WTIP: variants seen among roughly 807,000 people sequenced by gnomAD.
WTIP encodes WT1 interacting protein, also known as Wilms tumor protein 1-interacting protein.
WTIP carries 23 observed loss-of-function variants against 41.7 expected under a neutral mutation model. The ratio of observed to expected loss-of-function variants is 0.55; its 90% CI spans 0.40 to 0.78. The LOEUF (loss-of-function observed/expected upper bound fraction) is 0.78, where lower values mean the gene tolerates loss of function less well. Among genes scored for constraint, WTIP ranks in the 30% least tolerant of loss-of-function variants. WTIP has a pLI of 0.00. For synonymous variants in WTIP, 314 were observed against 269.9 expected (o/e 1.16, Z -1.60); for missense variants, 619 against 610.5 (o/e 1.01, Z -0.15).
rs931389157 is a variant in WTIP, at chr19:34,511,158, G to T, written c.*10889G>T. 6.6e-6 allele frequency: 1 copy of T among 152,428 alleles called. No homozygotes were observed. The highest frequency in any genetic ancestry group is 1.5e-5 in the Non-Finnish European group (1 of 68,250). The allele number at this position is 152,428 out of a possible 1,614,324, so 9.4% of individuals were successfully genotyped here. A position where few individuals can be genotyped will look rare whatever the true frequency, so the allele number is the denominator to read the frequency against. On this transcript the variant is annotated 3_prime_UTR_variant, in exon 8 of 8. Transcript: ENST00000590071. Reference sequence around the variant, plus strand: ...GCTGATAAAGACATACCTGTGACTGGGAAGAAAAAGAGGTTTAATGGGACT... The same window carrying T: ...GCTGATAAAGACATACCTGTGACTGTGAAGAAAAAGAGGTTTAATGGGACT...
rs1427272740 is a variant in WTIP at position 34,500,142 on chromosome 19, A to G, written c.1166A>G (p.Gln389Arg). 1.9e-6 allele frequency: 3 copies of G among 1,600,062 alleles called. No homozygotes were observed. The highest frequency in any genetic ancestry group is 2.5e-6 in the Non-Finnish European group (3 of 1,179,748). ...ACYHCEDCGL[Q>R]LSGEEGRRCY... ...GTTCTTCCCTAGGACTGCGGGCTGC[A>G]GCTGAGCGGGGAGGAGGGACGCCGT... is the stretch of plus-strand genomic sequence containing the variant. Residue 389 changes from glutamine to arginine, a missense_variant, in exon 8 of 8, where the codon CAG becomes CGG. Physicochemically the swap from Gln to Arg is conservative, Grantham distance 43. Transcript: ENST00000590071.
At chr19:34,498,946 G>A (rs535984746) in intron 7 of WTIP, among the ~76,000 whole-genome samples, 2 of 152,226 alleles carry the variant, frequency 1.3e-5, no homozygotes, top group South Asian at 2.1e-4. Context: ...GGTGGCTCAC[G>A]CCTACAATCC....
chr19:34,492,718 C>T (rs1054824095), intron 2 of WTIP, among the ~76,000 whole-genome samples: 6 of 150,778 alleles, frequency 4.0e-5, no homozygotes, highest in East Asian at 1.9e-4. Flanking sequence ...GATTCATTCC[C>T]GAAAATTTGC....
rs958334274 is a variant in WTIP at position 34,486,368 on chromosome 19, G to GT, written c.667+3743dup. ...TGACACCCTAAGCCTTTGTCAGTTTGTTTTTTTTTTTTTTTTGAGACAGAG... is the reference window on the plus strand; with the variant it reads ...TGACACCCTAAGCCTTTGTCAGTTTGTTTTTTTTTTTTTTTTTGAGACAGAG... On this transcript the variant is annotated intron_variant, in intron 1 of 7. Transcript: ENST00000590071. 7.2e-3 allele frequency among the ~76,000 whole-genome samples: 950 copies of GT among 132,002 alleles called. 9 individuals are homozygous for GT. The highest frequency in any genetic ancestry group is 0.014 in the African/African-American group (514 of 36,082). 86.6% of individuals were successfully genotyped at this position (132,002 alleles called of 152,430 possible). A position where few individuals can be genotyped will look rare whatever the true frequency, so the allele number is the denominator to read the frequency against.
intron 6 of WTIP, among the ~76,000 whole-genome samples, chr19:34,494,972 G>A (rs2075845374): frequency 6.6e-6 from 1 of 152,228 alleles, no homozygotes. Context: ...AGAGATGGAC[G>A]TGGTCTGTGC....
chr19:34,495,505 C>T (rs933333402), intron 6 of WTIP, among the ~76,000 whole-genome samples, 198 bp from the exon 7 acceptor site: 4 of 152,300 alleles, frequency 2.6e-5, no homozygotes, highest in South Asian at 2.1e-4. Context: ...TCGTGGAGGA[C>T]GCCTAAGGCC....
At chr19:34,494,755 C>T (rs756339595) in intron 6 of WTIP, 118 bp downstream of exon 6, 14 of 1,034,876 alleles carry the variant, frequency 1.4e-5, no homozygotes, top group Admixed American at 5.2e-5. Context: ...GGTGCTTCTC[C>T]GCAGATCTTT....
chr19:34,485,863 G>A (rs2075794366), intron 1 of WTIP, among the ~76,000 whole-genome samples: 1 of 152,180 alleles, frequency 6.6e-6, no homozygotes, highest in South Asian at 2.1e-4. Context: ...CCAGTGTTGG[G>A]ATTACAGGCG....
At chr19:34,498,011 C>T (rs1413562021) in intron 7 of WTIP, among the ~76,000 whole-genome samples, 1 of 152,146 alleles carries the variant, frequency 6.6e-6, no homozygotes, top group African/African-American at 2.4e-5. Context: ...ACCTCCGGGA[C>T]CCCGCACTCC....
At position 34,490,932 on chromosome 19, in the gene WTIP, C is replaced by T. The variant is rs560022430; in HGVS notation, c.769+455C>T. Among the ~76,000 whole-genome samples, 28 of 152,268 alleles carry T rather than the reference C, an allele frequency of 1.8e-4. No homozygotes were observed. In the East Asian group the frequency reaches 5.4e-3, roughly 29 times the overall value. The stretch of plus-strand genomic sequence containing the variant: ...TGCCTCCCGGTTTCAAGAGATTCTC[C>T]TGCCTCAGCCTCCCAAGTAGCTGGG... On this transcript the variant is annotated intron_variant, in intron 2 of 7. Coordinates refer to ENST00000590071, the MANE Select transcript of WTIP (RefSeq NM_001080436.2).
rs79932247 is a variant in WTIP, at chr19:34,504,245, A to G, written c.*3976A>G. On this transcript the variant is annotated 3_prime_UTR_variant, in exon 8 of 8. Transcript: ENST00000590071. ...CAGGATAAGCTGCAGAGAGAGAGGG[A>G]GAGAGGGATTGAACTGGAGCGAGAC... 2.1e-4 allele frequency: 29 copies of G among 135,994 alleles called. No homozygotes were observed. Among genetic ancestry groups the G allele is most frequent in the African/African-American group, 8.2e-4 (28 of 33,950 alleles). The allele number at this position is 135,994 out of a possible 1,614,324, so 8.4% of individuals were successfully genotyped here. A position where few individuals can be genotyped will look rare whatever the true frequency, so the allele number is the denominator to read the frequency against.
intron 1 of WTIP, among the ~76,000 whole-genome samples, chr19:34,488,536 T>TA (rs113270099): frequency 0.03 from 4,506 of 152,052 alleles, 208 homozygotes; most frequent in African/African-American, 0.1. Flanking sequence ...TGGATATTTT[T>TA]AAAAATTTTT....
chr19:34,482,221 G>A lies in WTIP; in HGVS notation c.247G>A (p.Ala83Thr). 1 of 1,156,574 alleles carries A rather than the reference G, an allele frequency of 8.6e-7. No individual in the cohort carries two copies. Among genetic ancestry groups the A allele is most frequent in the Non-Finnish European group, 1.1e-6 (1 of 943,944 alleles). 71.6% of individuals were successfully genotyped at this position (1,156,574 alleles called of 1,614,324 possible). A position where few individuals can be genotyped will look rare whatever the true frequency, so the allele number is the denominator to read the frequency against. The change falls in exon 1 of 8, where the codon GCG becomes ACG. Residue 83 changes from alanine to threonine, a missense_variant. By Grantham distance (58) the Ala-to-Thr change is moderately conservative. This residue lies in a region of WTIP where 363 missense variants were observed against 309.0 expected (regional missense o/e 1.17). Coordinates refer to ENST00000590071, the MANE Select transcript of WTIP (RefSeq NM_001080436.2). The stretch of plus-strand genomic sequence containing the variant: ...GCGCGCGGCGGTTCCGGAGCTCAGC[G>A]CGCAGCCTGCGGGCAGCCCACGGGC... Reference protein sequence around the residue: ...PRRAAVPELSAQPAGSPRASL... With the variant: ...PRRAAVPELSTQPAGSPRASL...
At chr19:34,500,011 C>T (rs2145611271) in intron 7 of WTIP, 118 bp from the exon 8 acceptor site, 1 of 1,420,536 alleles carries the variant, frequency 7.0e-7, no homozygotes, top group Non-Finnish European at 9.4e-7. Flanking sequence ...GAAGAGTCTT[C>T]ATGTTGTTTT....
In WTIP at chr19:34,495,684, A is replaced by G; in HGVS notation, c.1084-19A>G. 1 of 1,613,198 alleles carries G rather than the reference A, an allele frequency of 6.2e-7. No individual in the cohort carries two copies. The highest frequency in any genetic ancestry group is 8.5e-7 in the Non-Finnish European group (1 of 1,179,580). Reference sequence around the variant, plus strand: ...GTCCCCACATGCTCATCGTGTGTGAACTCCTTCTCTTCCTCCAGGGCTGCG... The same window carrying G: ...GTCCCCACATGCTCATCGTGTGTGAGCTCCTTCTCTTCCTCCAGGGCTGCG... On this transcript the variant is annotated intron_variant, in intron 6 of 7. Transcript: ENST00000590071.
In WTIP at chr19:34,500,292, G is replaced by A; in HGVS notation, c.*23G>A. 6.3e-7 allele frequency: 1 copy of A among 1,587,688 alleles called. No individual in the cohort carries two copies. The highest frequency in any genetic ancestry group is 8.5e-7 in the Non-Finnish European group (1 of 1,169,952). ...TGAGCAGGGGAAAACCCGTCCCTGG[G>A]CCGGGGTGGGTGTGGGTGTGGAGGG... On this transcript the variant is annotated 3_prime_UTR_variant, in exon 8 of 8. Transcript: ENST00000590071.
At chr19:34,498,236 G>A (rs938825573) in intron 7 of WTIP, among the ~76,000 whole-genome samples, 1 of 152,248 alleles carries the variant, frequency 6.6e-6, no homozygotes, top group African/African-American at 2.4e-5. Context: ...TAAAAACTGC[G>A]AGATAGGGTA....
intron 7 of WTIP, among the ~76,000 whole-genome samples, chr19:34,498,212 C>T (rs952613265): frequency 1.3e-5 from 2 of 152,110 alleles, no homozygotes; most frequent in Non-Finnish European, 1.5e-5. Context: ...ATTCCAGCCC[C>T]GAGCCCGCAA....
intron 2 of WTIP, among the ~76,000 whole-genome samples, chr19:34,492,380 G>GCCTC (rs2075829977): frequency 6.8e-6 from 1 of 148,058 alleles, no homozygotes; most frequent in Non-Finnish European, 1.5e-5. Flanking sequence ...CTCCCAGGAG[G>GCCTC]CTGGGAGGCT....
Sources: gnomAD v4.1 joint callset for allele counts (sites outside exome capture counted in the v4.1 genomes callset) on GRCh38, gnomAD v4.1.1 for gene constraint, gnomAD v4.1.1 regional missense constraint, MANE v1.5 for transcripts, NCBI Gene and HGNC (gene_info 2026-07-23, HGNC 2026-07-21) for gene names.